LYN: variants seen among roughly 807,000 people sequenced by gnomAD.
LYN encodes the protein tyrosine-protein kinase Lyn.
LYN carries 12 observed loss-of-function variants against 65.0 expected under a neutral mutation model. The ratio of observed to expected loss-of-function variants is 0.18; its 90% CI spans 0.12 to 0.30. The LOEUF is 0.30. Among genes scored for constraint, LYN ranks in the 10% least tolerant of loss-of-function variants. The pLI is 1.00. For synonymous variants in LYN, 222 were observed against 221.2 expected (o/e 1.00, Z -0.03); for missense variants, 380 against 623.2 (o/e 0.61, Z 4.16).
Position 55,946,444 on chromosome 8 carries a change from G to T in LYN, c.133-4G>T. On this transcript the variant is annotated splice_polypyrimidine_tract_variant and splice_region_variant and intron_variant, in intron 2 of 12. Transcript: ENST00000519728. ...TTTTTTTTCTAACAAATATTCTCTC[G>T]TAGGTTCCAGAATCTCAGCTTTTAC... is the stretch of plus-strand genomic sequence containing the variant. 1.2e-6 allele frequency: 2 copies of T among 1,600,220 alleles called. No individual in the cohort carries two copies. The highest frequency in any genetic ancestry group is 1.7e-6 in the Non-Finnish European group (2 of 1,168,100).
chr8:56,005,476 A>T (rs1287849872), intron 12 of LYN, among the ~76,000 whole-genome samples: 1 of 152,148 alleles, frequency 6.6e-6, no homozygotes, highest in Non-Finnish European at 1.5e-5. Flanking sequence ...CCCTCATGGT[A>T]TATGCTGACC....
chr8:55,938,551 G>T (rs1424436868), intron 1 of LYN, among the ~76,000 whole-genome samples: 1 of 152,178 alleles, frequency 6.6e-6, no homozygotes, highest in Non-Finnish European at 1.5e-5. Context: ...GGGCAAATGT[G>T]CAGGTCAGTT....
intron 4 of LYN, among the ~76,000 whole-genome samples, chr8:55,948,788 C>G (rs981255626): frequency 1.3e-5 from 2 of 152,196 alleles, no homozygotes; most frequent in African/African-American, 4.8e-5. Flanking sequence ...TGACAAGACC[C>G]TTAAACTTTA....
intron 10 of LYN, among the ~76,000 whole-genome samples, chr8:55,979,750 G>A (rs1187333119): frequency 2.6e-5 from 4 of 152,154 alleles, no homozygotes; most frequent in Non-Finnish European, 5.9e-5. Flanking sequence ...CCAGGAAATG[G>A]TGTGTCTGGG....
At chr8:56,000,674 G>A (rs1288285827) in intron 12 of LYN, among the ~76,000 whole-genome samples, 1 of 139,538 alleles carries the variant, frequency 7.2e-6, no homozygotes, top group Non-Finnish European at 1.5e-5. Context: ...GTTGCAGTGA[G>A]CCGAGACTGC....
intron 8 of LYN, 130 bp downstream of exon 8, chr8:55,954,114 C>T (rs1004344146): frequency 3.8e-6 from 4 of 1,051,498 alleles, no homozygotes; most frequent in Non-Finnish European, 5.6e-6. Flanking sequence ...ATTTTGTTTT[C>T]CTCTGTCCAT....
intron 1 of LYN, among the ~76,000 whole-genome samples, chr8:55,936,757 C>T (rs1416655973): frequency 6.6e-6 from 1 of 151,892 alleles, no homozygotes; most frequent in African/African-American, 2.4e-5. Context: ...TCCAAATAGC[C>T]GGAAGAGCAA....
chr8:55,970,852 A>G (rs1807590971), intron 10 of LYN, among the ~76,000 whole-genome samples: 1 of 152,154 alleles, frequency 6.6e-6, no homozygotes, highest in Non-Finnish European at 1.5e-5. Context: ...CCCTTTGCCT[A>G]TTTGGGCTAC....
At chr8:55,881,251 C>G (rs1412618586) in intron 1 of LYN, among the ~76,000 whole-genome samples, 1 of 152,210 alleles carries the variant, frequency 6.6e-6, no homozygotes, top group African/African-American at 2.4e-5. Context: ...ATTTAGCCAT[C>G]TGACCTTATT....
At chr8:55,929,376 G>A (rs1685864053) in intron 1 of LYN, among the ~76,000 whole-genome samples, 1 of 152,150 alleles carries the variant, frequency 6.6e-6, no homozygotes, top group South Asian at 2.1e-4. Context: ...CTCTGGATCT[G>A]TTTCAACAGC....
chr8:55,999,159 A>T (rs1195034893), intron 11 of LYN, among the ~76,000 whole-genome samples: 1 of 152,182 alleles, frequency 6.6e-6, no homozygotes, highest in Non-Finnish European at 1.5e-5. Flanking sequence ...TGCAGTGCTC[A>T]CTGTCTTCTG....
chr8:55,946,886 A>C (rs1377798217), intron 3 of LYN, among the ~76,000 whole-genome samples: 1 of 152,200 alleles, frequency 6.6e-6, no homozygotes, highest in Non-Finnish European at 1.5e-5. Flanking sequence ...GATGTCCTCA[A>C]GGTTCATCCA....
chr8:55,998,015 T>C (rs548885964), intron 10 of LYN, among the ~76,000 whole-genome samples: 6 of 151,612 alleles, frequency 4.0e-5, no homozygotes, highest in Admixed American at 6.6e-5. Context: ...ACCCAGGAGG[T>C]GGAGCTTGCA....
intron 1 of LYN, among the ~76,000 whole-genome samples, chr8:55,919,825 G>A (rs1805892991): frequency 6.6e-6 from 1 of 151,846 alleles, no homozygotes; most frequent in Admixed American, 6.6e-5. Context: ...GAGGTGTGAG[G>A]CTCGGGAAAT....
intron 1 of LYN, among the ~76,000 whole-genome samples, chr8:55,917,251 T>C (rs1249412965): frequency 6.6e-6 from 1 of 151,646 alleles, no homozygotes; most frequent in Admixed American, 6.6e-5. Context: ...AGTGGTGTGA[T>C]TGTAGGTCAC....
At chr8:55,907,773 G>C (rs1805473322) in intron 1 of LYN, among the ~76,000 whole-genome samples, 1 of 152,076 alleles carries the variant, frequency 6.6e-6, no homozygotes, top group South Asian at 2.1e-4. Context: ...GGCTGAGGTG[G>C]GAGGATTGCT....
In LYN at chr8:55,899,013, A is replaced by T. The variant is rs149396873; in HGVS notation, c.-6+18910A>T. 8.5e-5 allele frequency among the ~76,000 whole-genome samples: 13 copies of T among 152,124 alleles called. 1 individual carries two copies. The highest frequency in any genetic ancestry group is 3.4e-3 in the Middle Eastern group (1 of 294). On this transcript the variant is annotated intron_variant, in intron 1 of 12. Transcript: ENST00000519728. ...CTAATTTTTTTTATTTTTTGTAAGG[A>T]TGAGGTCTCCATATATTGCCCAAAG... is the stretch of plus-strand genomic sequence containing the variant.
intron 1 of LYN, among the ~76,000 whole-genome samples, chr8:55,887,806 T>G (rs1258134399): frequency 6.6e-6 from 1 of 151,972 alleles, no homozygotes; most frequent in Non-Finnish European, 1.5e-5. Context: ...GACAGGGCTT[T>G]GCTGTGTTGG....
chr8:55,916,766 T>C (rs979007208), intron 1 of LYN, among the ~76,000 whole-genome samples: 5 of 152,236 alleles, frequency 3.3e-5, no homozygotes, highest in Admixed American at 3.3e-4. Context: ...AATGGCACCT[T>C]AGGCTGTGTG....
Sources: allele counts gnomAD v4.1 joint callset (sites outside exome capture counted in the v4.1 genomes callset), GRCh38; gene constraint gnomAD v4.1.1; transcripts MANE v1.5; gene names NCBI Gene and HGNC (gene_info 2026-07-23, HGNC 2026-07-21).